AGBL1: variants seen among roughly 807,000 people sequenced by gnomAD.
The protein encoded by AGBL1 is cytosolic carboxypeptidase 4.
AGBL1 carries 130 observed loss-of-function variants against 118.9 expected under a neutral mutation model. That is an observed-to-expected ratio of 1.09 (90% CI 0.95 to 1.26). AGBL1 has a LOEUF of 1.26. Ranked by LOEUF, AGBL1 falls within the 50% of genes most tolerant of loss-of-function variation. The pLI is 0.00. For synonymous variants in AGBL1, 555 were observed against 478.9 expected (o/e 1.16, Z -2.08); for missense variants, 1,584 against 1,298.1 (o/e 1.22, Z -3.38).
intron 7 of AGBL1, among the ~76,000 whole-genome samples, chr15:86,252,019 T>A (rs1291958424): frequency 6.6e-6 from 1 of 152,208 alleles, no homozygotes; most frequent in Non-Finnish European, 1.5e-5. Context: ...TGCATCAAAG[T>A]TACCTAGAGG....
intron 18 of AGBL1, among the ~76,000 whole-genome samples, chr15:86,475,201 G>T (rs895768571): frequency 2.6e-5 from 4 of 152,188 alleles, no homozygotes; most frequent in Non-Finnish European, 1.5e-5. Flanking sequence ...CTCATTGCCA[G>T]CAACGGAACA....
At chr15:86,827,868 A>G (rs1037354330) in intron 22 of AGBL1, among the ~76,000 whole-genome samples, 2 of 137,180 alleles carry the variant, frequency 1.5e-5, no homozygotes, top group African/African-American at 5.4e-5. Context: ...TGGTAGCCCT[A>G]TCTGTGCCTT....
intron 5 of AGBL1, among the ~76,000 whole-genome samples, chr15:86,216,433 C>T (rs1024340973): frequency 2.6e-5 from 4 of 152,068 alleles, no homozygotes; most frequent in African/African-American, 7.2e-5. Context: ...AGGAAGTTTC[C>T]TTTGATTCCA....
chr15:87,004,081 C>G (rs1465647934), intron 24 of AGBL1, among the ~76,000 whole-genome samples: 3 of 152,068 alleles, frequency 2.0e-5, no homozygotes, highest in South Asian at 2.1e-4. Context: ...TAGATCTTTC[C>G]TGCTTTCTCT....
intron 5 of AGBL1, among the ~76,000 whole-genome samples, chr15:86,190,678 C>A (rs902150426): frequency 1.7e-4 from 26 of 152,022 alleles, no homozygotes; most frequent in African/African-American, 5.6e-4. Flanking sequence ...CTTACAATAC[C>A]CTTACCTCCA....
intron 18 of AGBL1, among the ~76,000 whole-genome samples, chr15:86,442,896 C>T (rs182016274): frequency 2.2e-4 from 34 of 152,316 alleles, no homozygotes; most frequent in African/African-American, 7.2e-4. Context: ...CAGAGAGATG[C>T]GATTGCTGTG....
At chr15:86,472,479 G>T (rs2082491565) in intron 18 of AGBL1, among the ~76,000 whole-genome samples, 1 of 152,170 alleles carries the variant, frequency 6.6e-6, no homozygotes, top group South Asian at 2.1e-4. Context: ...GTGGTAAGTA[G>T]ATGCACTTCC....
Position 86,264,782 on chromosome 15 carries a change from A to G in AGBL1, c.1611A>G (p.Gly537=). Residue 537 remains glycine, a synonymous_variant, in exon 11 of 23, where the codon GGA becomes GGG. Transcript: ENST00000614907. ...TGATGGCATTTCCTGATGTCTGGGG[A>G]CACTGTCCCCCTCCCACCACCCAGC... The part of the protein sequence containing the change: ...FKMMAFPDVW[G]HCPPPTTQPM... The G allele has an allele frequency of 6.2e-7, 1 of 1,613,908 alleles. No individual in the cohort carries two copies. The highest frequency in any genetic ancestry group is 1.1e-5 in the South Asian group (1 of 91,052).
At chr15:86,833,389 C>T (rs1251349722) in intron 22 of AGBL1, among the ~76,000 whole-genome samples, 1 of 152,048 alleles carries the variant, frequency 6.6e-6, no homozygotes, top group African/African-American at 2.4e-5. Flanking sequence ...ATCATGGGGG[C>T]TGGTTTTTCC....
At chr15:86,945,244 TAAAAAAAA>T (rs11326362) in intron 23 of AGBL1, among the ~76,000 whole-genome samples, 11 of 70,788 alleles carry the variant, frequency 1.6e-4, no homozygotes, top group Admixed American at 1.8e-4. Flanking sequence ...ACCCCATCAC[TAAAAAAAA>T]AAAAAAAAAA....
intron 1 of AGBL1, among the ~76,000 whole-genome samples, chr15:86,112,769 CT>C (rs1419994467): frequency 6.6e-6 from 1 of 152,194 alleles, no homozygotes; most frequent in Non-Finnish European, 1.5e-5. Context: ...TTTTATCAGG[CT>C]TTTAAATCTC....
intron 22 of AGBL1, among the ~76,000 whole-genome samples, chr15:86,862,622 G>A (rs145791366): frequency 6.6e-6 from 1 of 152,306 alleles, no homozygotes; most frequent in African/African-American, 2.4e-5. Flanking sequence ...TCGGAGGGCT[G>A]ACGCAGGAGA....
At chr15:86,220,927 T>C (rs2078270904) in intron 5 of AGBL1, among the ~76,000 whole-genome samples, 1 of 152,126 alleles carries the variant, frequency 6.6e-6, no homozygotes, top group East Asian at 1.9e-4. Flanking sequence ...GCACAGTGAC[T>C]CATGGCTCAT....
intron 7 of AGBL1, among the ~76,000 whole-genome samples, chr15:86,250,381 C>T (rs772932610): frequency 6.1e-4 from 92 of 151,374 alleles, no homozygotes; most frequent in Non-Finnish European, 1.0e-3. Context: ...AAAAAATTAG[C>T]CGGGCGTGGT....
chr15:86,686,620 G>A (rs1353768889), intron 22 of AGBL1, among the ~76,000 whole-genome samples: 2 of 151,784 alleles, frequency 1.3e-5, no homozygotes, highest in Non-Finnish European at 2.9e-5. Context: ...TGTATCTTTA[G>A]TAGATACAAG....
At chr15:86,444,820 A>G (rs780078700) in intron 18 of AGBL1, among the ~76,000 whole-genome samples, 2 of 152,146 alleles carry the variant, frequency 1.3e-5, no homozygotes, top group Admixed American at 1.3e-4. Flanking sequence ...CATGACAACC[A>G]CATTCCATCT....
rs77170834 is a variant in AGBL1, at chr15:86,508,884, T to C, written c.2556-13926T>C. The stretch of plus-strand genomic sequence containing the variant: ...GAACTGCTTTTAAAAAATGCAAACA[T>C]TTGTTCATCACTGAGTACATACGAA... On this transcript the variant is annotated intron_variant, in intron 18 of 22. Transcript: ENST00000614907. Among the ~76,000 whole-genome samples the C allele has an allele frequency of 2.2e-3, 335 of 152,266 alleles. 1 individual carries two copies. Among genetic ancestry groups the C allele is most frequent in the Non-Finnish European group, 3.4e-3 (231 of 68,008 alleles).
chr15:86,118,082 C>T (rs1897870961), intron 1 of AGBL1, among the ~76,000 whole-genome samples: 2 of 152,184 alleles, frequency 1.3e-5, no homozygotes, highest in South Asian at 4.1e-4. Context: ...TACCGTTCTC[C>T]TGGGTGTCAA....
At chr15:86,687,741 G>A (rs1038980360) in intron 22 of AGBL1, among the ~76,000 whole-genome samples, 4 of 152,104 alleles carry the variant, frequency 2.6e-5, no homozygotes, top group African/African-American at 9.7e-5. Context: ...TTTCCAAAGT[G>A]TACATAATGA....
Sources: allele counts gnomAD v4.1 joint callset (sites outside exome capture counted in the v4.1 genomes callset), GRCh38; gene constraint gnomAD v4.1.1; transcripts MANE v1.5; gene names NCBI Gene and HGNC (gene_info 2026-07-23, HGNC 2026-07-21).